The following EDRF1 variants were observed in gnomAD, a reference collection of about 807,000 sequenced individuals.
EDRF1 encodes the protein erythroid differentiation regulatory factor 1.
In EDRF1, 69 loss-of-function variants were observed where a neutral mutation model predicts 148.7. The observed-to-expected ratio is 0.46, with a 90% CI of 0.38 to 0.57. EDRF1 has a LOEUF of 0.57. Among genes scored for constraint, EDRF1 ranks in the 20% least tolerant of loss-of-function variants. EDRF1 has a pLI of 0.00. For synonymous variants in EDRF1, 515 were observed against 532.8 expected, an observed-to-expected ratio of 0.97 and a Z score of 0.46; for missense variants, 1,118 against 1,478.7, an observed-to-expected ratio of 0.76 and a Z score of 4.00.
chr10:125,743,300 TC>T, intron 18 of EDRF1, 24 bp downstream of exon 18: 2 of 1,586,930 alleles, frequency 1.3e-6, no homozygotes, highest in Non-Finnish European at 1.7e-6. Flanking sequence ...TAGATTCCTC[TC>T]TATTGCTTGT....
intron 15 of EDRF1, 103 bp from the exon 16 acceptor site, chr10:125,740,360 C>T: frequency 8.4e-7 from 1 of 1,183,698 alleles, no homozygotes; most frequent in Non-Finnish European, 1.2e-6. Flanking sequence ...GTCTTGTCAC[C>T]TAAGTCTAGA....
chr10:125,729,256 C>G (rs1224815016), intron 7 of EDRF1, 102 bp from the exon 8 acceptor site: 2 of 1,506,682 alleles, frequency 1.3e-6, no homozygotes, highest in Non-Finnish European at 9.1e-7. Context: ...TGGGGCCTGA[C>G]TTTGTCTTCT....
At chr10:125,741,352 T>C in intron 17 of EDRF1, 151 bp downstream of exon 17, 1 of 860,524 alleles carries the variant, frequency 1.2e-6, no homozygotes, top group Non-Finnish European at 1.9e-6. Context: ...AGTTTCGCTC[T>C]TGTTGCCCAA....
At chr10:125,723,739 G>C in intron 3 of EDRF1, 72 bp from the exon 4 acceptor site, 1 of 1,464,376 alleles carries the variant, frequency 6.8e-7, no homozygotes, top group Non-Finnish European at 9.5e-7. Context: ...AATGAATGAA[G>C]CTAAAATTTA....
chr10:125,742,710 G>A (rs193242019), intron 17 of EDRF1: 95 of 984,588 alleles, frequency 9.6e-5, no homozygotes, highest in Non-Finnish European at 1.1e-4. Context: ...ATTATTTCAA[G>A]AACTATTTCC....
intron 9 of EDRF1, among the ~76,000 whole-genome samples, chr10:125,730,831 A>G (rs922273387): frequency 2.0e-5 from 3 of 152,220 alleles, no homozygotes; most frequent in Non-Finnish European, 4.4e-5. Context: ...TGTTTAGAAG[A>G]CACGTATCCC....
Position 125,748,588 on chromosome 10 carries a change from T to TA in EDRF1, c.3123+576_3123+577insA, listed in dbSNP as rs918934559. The TA allele has an allele frequency of 1.9e-3, 192 of 99,364 alleles. 1 individual carries two copies. Among genetic ancestry groups the TA allele is most frequent in the African/African-American group, 5.5e-3 (183 of 33,492 alleles). The allele number at this position is 99,364 out of a possible 1,614,324, so 6.2% of individuals were successfully genotyped here. On this transcript the variant is annotated intron_variant, in intron 21 of 24. Coordinates refer to ENST00000356792, the MANE Select transcript of EDRF1 (RefSeq NM_001202438.2). ...ATGTTTTTTTGTTTGTTTTGTTGAT[T>TA]TTCCCCCCCCGTAAGGTAAGACTAC...
chr10:125,736,424 G>A (rs549078365), intron 13 of EDRF1, among the ~76,000 whole-genome samples: 1 of 152,102 alleles, frequency 6.6e-6, no homozygotes, highest in Non-Finnish European at 1.5e-5. Flanking sequence ...TCCCTGTGTG[G>A]ATTGCACTGA....
In EDRF1 at chr10:125,733,974, A is replaced by G. The variant is rs529476139; in HGVS notation, c.1386-98A>G. 25 of 1,059,898 alleles carry G rather than the reference A, an allele frequency of 2.4e-5. No individual in the cohort carries two copies. In the South Asian group the frequency reaches 3.1e-4, roughly 13 times the overall value. The allele number at this position is 1,059,898 out of a possible 1,614,324, so 65.7% of individuals were successfully genotyped here. On this transcript the variant is annotated intron_variant, in intron 11 of 24. Coordinates refer to ENST00000356792, the MANE Select transcript of EDRF1 (RefSeq NM_001202438.2). ...AAAGTTTAGTATTTTGTTGTTTCTT[A>G]TAGCTCTTTGTTGGAAAGAAACAAG... is the stretch of plus-strand genomic sequence containing the variant.
intron 1 of EDRF1, among the ~76,000 whole-genome samples, chr10:125,720,523 T>C (rs931694033): frequency 1.3e-5 from 2 of 152,184 alleles, no homozygotes; most frequent in African/African-American, 4.8e-5. Flanking sequence ...TTAAAATACA[T>C]CTTTGGCCGG....
chr10:125,730,503 A>G (rs1848438715), intron 9 of EDRF1, 104 bp downstream of exon 9: 2 of 870,906 alleles, frequency 2.3e-6, no homozygotes, highest in African/African-American at 3.3e-5. Context: ...CATTTTTGCC[A>G]GGGAAGATAG....
At chr10:125,740,436 G>A (rs115991337) in intron 15 of EDRF1, 27 bp from the exon 16 acceptor site, 1 of 1,610,156 alleles carries the variant, frequency 6.2e-7, no homozygotes, top group Non-Finnish European at 8.5e-7. Flanking sequence ...GAAATGTGCT[G>A]TCTTTTTTTT....
At chr10:125,737,049 G>A (rs1302422530) in intron 13 of EDRF1, among the ~76,000 whole-genome samples, 1 of 152,074 alleles carries the variant, frequency 6.6e-6, no homozygotes, top group Non-Finnish European at 1.5e-5. Context: ...GCAGGAAAAA[G>A]TCATTAACTG....
chr10:125,745,799 G>A lies in EDRF1; in HGVS notation c.2683G>A (p.Asp895Asn). 1.2e-6 allele frequency: 2 copies of A among 1,614,202 alleles called. No homozygotes were observed. The highest frequency in any genetic ancestry group is 1.1e-5 in the South Asian group (1 of 91,082). ...AATTCACAACTTTGAATCAATTGAG[G>A]ATGCCACCAATGCCGCCCTTTTATT... ...KGIHNFESIE[D>N]ATNAALLLCN... is the part of the protein sequence containing the mutation. The change falls in exon 19 of 25, where the codon GAT (aspartate) becomes AAT (asparagine). Residue 895 changes from aspartate (D) to asparagine (N), a missense_variant. Transcript: ENST00000356792.
chr10:125,742,914 A>G (rs79210136), intron 17 of EDRF1, 144 bp from the exon 18 acceptor site: 1 of 1,323,386 alleles, frequency 7.6e-7, no homozygotes, highest in Non-Finnish European at 1.0e-6. Flanking sequence ...TGAAACTTAA[A>G]TATTGTTGTA....
intron 24 of EDRF1, among the ~76,000 whole-genome samples, chr10:125,761,804 A>T (rs1437611687): frequency 6.6e-6 from 1 of 152,236 alleles, no homozygotes; most frequent in African/African-American, 2.4e-5. Flanking sequence ...CCAACTATTA[A>T]TAAAATGACA....
In EDRF1 at chr10:125,745,825, A is replaced by G; in HGVS notation, c.2709A>G (p.Leu903=). ...IEDATNAALL[L]CNTGRLMRIC... is the part of the protein sequence containing the mutation. Reference sequence around the variant, plus strand: ...ATGCCACCAATGCCGCCCTTTTATTATGTAACACGGGAAGGCTCATGCGGA... The same window carrying G: ...ATGCCACCAATGCCGCCCTTTTATTGTGTAACACGGGAAGGCTCATGCGGA... The change falls in exon 19 of 25, where the codon TTA becomes TTG. Residue 903 remains leucine, a synonymous_variant. Coordinates refer to ENST00000356792, the MANE Select transcript of EDRF1 (RefSeq NM_001202438.2). 6.2e-7 allele frequency: 1 copy of G among 1,614,216 alleles called. No homozygotes were observed. Among genetic ancestry groups the G allele is most frequent in the Non-Finnish European group, 8.5e-7 (1 of 1,180,030 alleles).
At chr10:125,734,028 A>G (rs1589833784) in intron 11 of EDRF1, 44 bp from the exon 12 acceptor site, 2 of 1,470,756 alleles carry the variant, frequency 1.4e-6, no homozygotes, top group African/African-American at 1.4e-5. Flanking sequence ...TCTTGCAGAC[A>G]ACGATGAAAT....
intron 6 of EDRF1, among the ~76,000 whole-genome samples, chr10:125,728,076 C>CCT (rs1273944739): frequency 6.6e-6 from 1 of 151,822 alleles, no homozygotes; most frequent in East Asian, 1.9e-4. Context: ...GTGGCACGTG[C>CCT]CTGTAATCCC....
Sources: gnomAD v4.1 joint callset for allele counts (sites outside exome capture counted in the v4.1 genomes callset) on GRCh38, gnomAD v4.1.1 for gene constraint, MANE v1.5 for transcripts, NCBI Gene and HGNC (gene_info 2026-07-23, HGNC 2026-07-21) for gene names.